FANCL: variants seen among roughly 807,000 people sequenced by gnomAD.
FANCL encodes the protein FA complementation group L.
A neutral mutation model predicts 59.4 loss-of-function variants in FANCL; 69 were observed. The observed-to-expected ratio is 1.16, with a 90% CI of 0.96 to 1.42. The LOEUF is 1.42. Ranked by LOEUF, FANCL falls within the 40% of genes most tolerant of loss-of-function variation. The probability of loss-of-function intolerance (pLI) is 0.00; values close to 1 mark genes in which losing one functional copy is unlikely to be tolerated. For synonymous variants in FANCL, 180 were observed against 147.1 expected (o/e 1.22, Z -1.62); for missense variants, 519 against 447.2 (o/e 1.16, Z -1.45).
In FANCL at chr2:58,219,280, T is replaced by C. The variant is rs1389038939; in HGVS notation, c.374+2662A>G. On this transcript the variant is annotated intron_variant, in intron 5 of 13. Transcript: ENST00000233741. ...TCTCAATGGCCAAAGCTAGAACAAATTGAGCAAGAAAATAAAATAGTATTT... is the reference window on the plus strand; with the variant it reads ...TCTCAATGGCCAAAGCTAGAACAAACTGAGCAAGAAAATAAAATAGTATTT... Among the ~76,000 whole-genome samples, 9 of 138,490 alleles carry C rather than the reference T, an allele frequency of 6.5e-5. No homozygotes were observed. The South Asian group carries it at 7.0e-4, about 11-fold the overall frequency. The allele number at this position is 138,490 out of a possible 152,430, so 90.9% of individuals were successfully genotyped here.
chr2:58,203,743 CTACAAA>C (rs1168336903), intron 6 of FANCL, among the ~76,000 whole-genome samples: 1 of 151,958 alleles, frequency 6.6e-6, no homozygotes, highest in Non-Finnish European at 1.5e-5. Context: ...AGAATAAGAA[CTACAAA>C]AGAAATTTAT....
intron 5 of FANCL, among the ~76,000 whole-genome samples, chr2:58,211,485 C>G (rs1691155203): frequency 6.6e-6 from 1 of 152,170 alleles, no homozygotes; most frequent in Admixed American, 6.5e-5. Flanking sequence ...GACATTTTCC[C>G]CATTATCTTG....
rs767722695 is a variant in FANCL at position 58,221,146 on chromosome 2, G to C, written c.374+796C>G. On this transcript the variant is annotated intron_variant, in intron 5 of 13. Coordinates refer to ENST00000233741, the MANE Select transcript of FANCL (RefSeq NM_018062.4). Reference sequence around the variant, plus strand: ...GGGAATGGCGTGAACCCGGGAGGCGGAGCTTGCAATCAGCCTAGGCAACAG... The same window carrying C: ...GGGAATGGCGTGAACCCGGGAGGCGCAGCTTGCAATCAGCCTAGGCAACAG... 7.3e-4 allele frequency among the ~76,000 whole-genome samples: 111 copies of C among 151,774 alleles called. 2 individuals carry two copies. The highest frequency in any genetic ancestry group is 1.9e-4 in the Non-Finnish European group (13 of 67,966).
intron 1 of FANCL, among the ~76,000 whole-genome samples, chr2:58,233,627 G>A (rs1458434959): frequency 6.6e-6 from 1 of 151,948 alleles, no homozygotes; most frequent in East Asian, 1.9e-4. Context: ...AAAATATGAA[G>A]CACTTTCCAA....
At chr2:58,207,656 C>G (rs541276085) in intron 5 of FANCL, among the ~76,000 whole-genome samples, 2 of 152,072 alleles carry the variant, frequency 1.3e-5, no homozygotes, top group Admixed American at 1.3e-4. Context: ...CTATTTGTAT[C>G]AATTTATGAC....
rs757082773 is a variant in FANCL, at chr2:58,198,636, A to T, written c.498T>A (p.Phe166Leu). 6.2e-7 allele frequency: 1 copy of T among 1,613,998 alleles called. No individual in the cohort carries two copies. Among genetic ancestry groups the T allele is most frequent in the South Asian group, 1.1e-5 (1 of 91,080 alleles). ...CACAAAATGGAACAGGAAAATCCACAAAATAATCTGGTGATTCTGCAGGAT... is the reference window on the plus strand; with the variant it reads ...CACAAAATGGAACAGGAAAATCCACTAAATAATCTGGTGATTCTGCAGGAT... ...AKYPAESPDY[F>L]VDFPVPFCAS... Residue 166 changes from phenylalanine (F) to leucine (L), a missense_variant, in exon 7 of 14, where the codon TTT becomes TTA. Phe to Leu is a conservative substitution (Grantham distance 22, BLOSUM62 0). Transcript: ENST00000233741.
At chr2:58,190,597 T>A (rs1422839059) in intron 7 of FANCL, among the ~76,000 whole-genome samples, 2 of 151,828 alleles carry the variant, frequency 1.3e-5, no homozygotes, top group African/African-American at 4.8e-5. Context: ...AGAAAAAAGT[T>A]AGCTATATCT....
intron 5 of FANCL, among the ~76,000 whole-genome samples, chr2:58,220,203 T>G (rs1224717580): frequency 1.3e-5 from 2 of 152,228 alleles, no homozygotes; most frequent in African/African-American, 4.8e-5. Flanking sequence ...ACTTGGCTCT[T>G]AAGTACAGAT....
chr2:58,219,171 A>AAATATATAC (rs1558810201), intron 5 of FANCL, among the ~76,000 whole-genome samples: 1 of 19,262 alleles, frequency 5.2e-5, no homozygotes, highest in African/African-American at 2.6e-4. Flanking sequence ...AAAAAAAAAA[A>AAATATATAC]ATATATATAT....
At chr2:58,203,271 A>G (rs1281435296) in intron 6 of FANCL, among the ~76,000 whole-genome samples, 1 of 151,870 alleles carries the variant, frequency 6.6e-6, no homozygotes, top group East Asian at 1.9e-4. Flanking sequence ...TGTGTCATCC[A>G]GTACAGCTTT....
chr2:58,196,296 ATTTTAT>A (rs1215511030), intron 7 of FANCL, among the ~76,000 whole-genome samples: 1 of 152,070 alleles, frequency 6.6e-6, no homozygotes, highest in African/African-American at 2.4e-5. Flanking sequence ...TTCTTAAAAC[ATTTTAT>A]TTTTAAGACA....
At chr2:58,228,045 A>T (rs1208556841) in intron 3 of FANCL, among the ~76,000 whole-genome samples, 1 of 150,054 alleles carries the variant, frequency 6.7e-6, no homozygotes, top group East Asian at 1.9e-4. Context: ...GCAATAAATT[A>T]ACAATTATTA....
chr2:58,162,100 T>C (rs954360772), intron 11 of FANCL, among the ~76,000 whole-genome samples: 1 of 151,930 alleles, frequency 6.6e-6, no homozygotes, highest in African/African-American at 2.4e-5. Context: ...ATGTCCCTGA[T>C]AGTATTTAAA....
intron 5 of FANCL, among the ~76,000 whole-genome samples, chr2:58,213,096 T>C (rs754384095): frequency 6.6e-6 from 1 of 152,268 alleles, no homozygotes; most frequent in South Asian, 2.1e-4. Context: ...TTTATGATTA[T>C]ACTGACAAAT....
At chr2:58,216,322 C>CA (rs1242150995) in intron 5 of FANCL, among the ~76,000 whole-genome samples, 1 of 152,134 alleles carries the variant, frequency 6.6e-6, no homozygotes, top group Non-Finnish European at 1.5e-5. Context: ...AAACCCTGTA[C>CA]AGAAGAAAAT....
At chr2:58,198,131 C>T (rs1015935162) in intron 7 of FANCL, among the ~76,000 whole-genome samples, 8 of 151,456 alleles carry the variant, frequency 5.3e-5, no homozygotes, top group Non-Finnish European at 1.2e-4. Context: ...AGAAAATGGA[C>T]ATTAACTGTA....
At chr2:58,177,893 A>G (rs1229297651) in intron 7 of FANCL, among the ~76,000 whole-genome samples, 1 of 152,104 alleles carries the variant, frequency 6.6e-6, no homozygotes, top group Admixed American at 6.6e-5. Flanking sequence ...ACAATAAAAA[A>G]ATGATGAAGG....
chr2:58,198,857 C>T lies in FANCL; in HGVS notation c.472-195G>A, dbSNP rs373270652. Among the ~76,000 whole-genome samples, 5 of 151,748 alleles carry T rather than the reference C, an allele frequency of 3.3e-5. 1 individual carries two copies. The highest frequency in any genetic ancestry group is 1.2e-4 in the African/African-American group (5 of 41,440). On this transcript the variant is annotated intron_variant, in intron 6 of 13. Coordinates refer to ENST00000233741, the MANE Select transcript of FANCL (RefSeq NM_018062.4). The stretch of plus-strand genomic sequence containing the variant: ...ATCCTGGCTATACGGTGAAACCTCG[C>T]CTCTACTAAAAAATACAAAAAATTA...
At chr2:58,229,183 C>A (rs921230772) in intron 3 of FANCL, among the ~76,000 whole-genome samples, 1 of 151,888 alleles carries the variant, frequency 6.6e-6, no homozygotes, top group Non-Finnish European at 1.5e-5. Context: ...AGGAAAAAAA[C>A]ACACAAATGC....
Sources: gnomAD v4.1 joint callset for allele counts (sites outside exome capture counted in the v4.1 genomes callset) on GRCh38, gnomAD v4.1.1 for gene constraint, MANE v1.5 for transcripts, NCBI Gene and HGNC (gene_info 2026-07-23, HGNC 2026-07-21) for gene names.